Variants in DLGAP2 observed in about 807,000 individuals in gnomAD.
DLGAP2 encodes disks large-associated protein 2.
A neutral mutation model predicts 100.3 loss-of-function variants in DLGAP2; 26 were observed. That is an observed-to-expected ratio of 0.26 (90% CI 0.19 to 0.36). The LOEUF is 0.36. Among genes scored for constraint, DLGAP2 ranks in the 10% least tolerant of loss-of-function variants. The probability of loss-of-function intolerance (pLI) is 1.00; values close to 1 mark genes in which losing one functional copy is unlikely to be tolerated. For synonymous variants in DLGAP2, 886 were observed against 630.1 expected (o/e 1.41, Z -6.08); for missense variants, 1,858 against 1,453.2 (o/e 1.28, Z -4.53).
intron 1 of DLGAP2, among the ~76,000 whole-genome samples, chr8:768,450 A>G (rs1821272005): frequency 8.2e-6 from 1 of 122,032 alleles, no homozygotes. Flanking sequence ...TTCTGACATG[A>G]ATCTTGCTCT....
chr8:822,308 A>G (rs1001802552), intron 1 of DLGAP2: 8 of 398,734 alleles, frequency 2.0e-5, no homozygotes, highest in South Asian at 1.3e-4. Context: ...CACAGGGGTG[A>G]CGGGGGCCTG....
At chr8:957,279 T>C (rs1332571949) in intron 2 of DLGAP2, among the ~76,000 whole-genome samples, 3 of 152,238 alleles carry the variant, frequency 2.0e-5, no homozygotes, top group Admixed American at 2.0e-4. Flanking sequence ...GTCTTCCCCA[T>C]GGCACCACGG....
chr8:816,690 T>C (rs1440759085), intron 1 of DLGAP2, among the ~76,000 whole-genome samples: 1 of 152,216 alleles, frequency 6.6e-6, no homozygotes, highest in East Asian at 1.9e-4. Flanking sequence ...CTGATGACTA[T>C]GTGTCTAAGG....
intron 2 of DLGAP2, among the ~76,000 whole-genome samples, chr8:1,087,146 A>G (rs1396504797): frequency 6.6e-6 from 1 of 152,230 alleles, no homozygotes; most frequent in African/African-American, 2.4e-5. Flanking sequence ...CAATGTGCAG[A>G]AAAGAGAAAT....
intron 1 of DLGAP2, among the ~76,000 whole-genome samples, chr8:833,349 G>A (rs1343659472): frequency 5.9e-5 from 9 of 152,152 alleles, no homozygotes; most frequent in Admixed American, 4.6e-4. Flanking sequence ...TCTGGAGGTC[G>A]GAAGTCCAAC....
chr8:808,246 G>A (rs1258602774), intron 1 of DLGAP2, among the ~76,000 whole-genome samples: 1 of 152,178 alleles, frequency 6.6e-6, no homozygotes, highest in African/African-American at 2.4e-5. Flanking sequence ...TGTTGACGAT[G>A]ACTTACATGT....
chr8:1,203,896 C>G (rs1212037232), intron 2 of DLGAP2, among the ~76,000 whole-genome samples: 8 of 149,024 alleles, frequency 5.4e-5, no homozygotes, highest in Non-Finnish European at 8.9e-5. Context: ...GTGCCTGTAT[C>G]AGGACTCAGC....
intron 1 of DLGAP2, among the ~76,000 whole-genome samples, chr8:906,641 C>T (rs1219249011): frequency 6.6e-6 from 1 of 152,066 alleles, no homozygotes; most frequent in Non-Finnish European, 1.5e-5. Flanking sequence ...TGAAAAATAC[C>T]GACAGCTTCC....
chr8:900,195 T>C (rs1346403054), intron 1 of DLGAP2, among the ~76,000 whole-genome samples: 1 of 150,084 alleles, frequency 6.7e-6, no homozygotes, highest in Non-Finnish European at 1.5e-5. Flanking sequence ...TGCCCTCCTC[T>C]TCACGGGGTC....
chr8:1,391,031 A>T lies in DLGAP2; in HGVS notation c.107-110335A>T, dbSNP rs146683703. Among the ~76,000 whole-genome samples the T allele has an allele frequency of 2.1e-4, 32 of 152,350 alleles. 1 individual carries two copies. The highest frequency in any genetic ancestry group is 7.7e-4 in the African/African-American group (32 of 41,588). Reference sequence around the variant, plus strand: ...AACCCCCCATGTGGGGTCATCTGGAACACGTGCCTTGGGTGAATACAACAG... The same window carrying T: ...AACCCCCCATGTGGGGTCATCTGGATCACGTGCCTTGGGTGAATACAACAG... On this transcript the variant is annotated intron_variant, in intron 3 of 14. Coordinates refer to ENST00000637795, the MANE Select transcript of DLGAP2 (RefSeq NM_001346810.2).
At chr8:1,459,724 C>A (rs1385882632) in intron 3 of DLGAP2, among the ~76,000 whole-genome samples, 1 of 119,552 alleles carries the variant, frequency 8.4e-6, no homozygotes, top group African/African-American at 3.3e-5. Context: ...CTTGTTCTGT[C>A]ACCCATGCTG....
chr8:1,036,124 G>T (rs1167396645), intron 2 of DLGAP2, among the ~76,000 whole-genome samples: 1 of 107,816 alleles, frequency 9.3e-6, no homozygotes, highest in Non-Finnish European at 2.0e-5. Flanking sequence ...GGATTCACAC[G>T]CTCATCCCGA....
At chr8:812,373 G>C (rs566427746) in intron 1 of DLGAP2, among the ~76,000 whole-genome samples, 46 of 152,292 alleles carry the variant, frequency 3.0e-4, no homozygotes, top group Non-Finnish European at 5.0e-4. Flanking sequence ...GTGTCTGCGG[G>C]AAGTCCCTGC....
chr8:1,008,972 C>T (rs537957476), intron 2 of DLGAP2, among the ~76,000 whole-genome samples: 71 of 152,378 alleles, frequency 4.7e-4, no homozygotes, highest in African/African-American at 1.6e-3. Flanking sequence ...TATGCAGAAT[C>T]GCACTGCCAT....
chr8:1,018,410 G>T (rs577207348), intron 2 of DLGAP2, among the ~76,000 whole-genome samples: 151 of 152,292 alleles, frequency 9.9e-4, no homozygotes, highest in African/African-American at 2.8e-3. Flanking sequence ...AGCAAACCTG[G>T]TTTATTGTCT....
At chr8:1,488,802 C>T (rs1486787831) in intron 3 of DLGAP2, among the ~76,000 whole-genome samples, 1 of 152,182 alleles carries the variant, frequency 6.6e-6, no homozygotes, top group African/African-American at 2.4e-5. Flanking sequence ...CAGCTGCAGT[C>T]AGTGACTATG....
chr8:1,374,103 AGG>A (rs1563112950), intron 3 of DLGAP2, among the ~76,000 whole-genome samples: 907 of 89,062 alleles, frequency 0.01, 17 homozygotes, highest in African/African-American at 0.042. Flanking sequence ...AGGTTTGCAG[AGG>A]ACTGTGTGGT....
chr8:1,379,557 CTT>C (rs1563116268), intron 3 of DLGAP2: 8 of 152,242 alleles, frequency 5.3e-5, no homozygotes. Flanking sequence ...TATTCAGTCT[CTT>C]CTTGTAAGAA....
chr8:932,811 G>T (rs1045677189), intron 2 of DLGAP2, among the ~76,000 whole-genome samples: 14 of 151,544 alleles, frequency 9.2e-5, no homozygotes, highest in African/African-American at 3.1e-4. Flanking sequence ...ATTTCAAAAT[G>T]AAAAATTAAA....
Sources: allele counts gnomAD v4.1 joint callset (sites outside exome capture counted in the v4.1 genomes callset), GRCh38; gene constraint gnomAD v4.1.1; transcripts MANE v1.5; gene names NCBI Gene and HGNC (gene_info 2026-07-23, HGNC 2026-07-21).